Variants in GRM7 observed in about 807,000 individuals in gnomAD.
GRM7 encodes the protein glutamate metabotropic receptor 7, also known as metabotropic glutamate receptor 7.
A neutral mutation model predicts 84.5 loss-of-function variants in GRM7; 35 were observed. The observed-to-expected ratio is 0.41, with a 90% CI of 0.32 to 0.55. The LOEUF is 0.55. GRM7 is among the 20% of genes least tolerant of loss of function. GRM7 has a pLI of 0.19. For synonymous variants in GRM7, 487 were observed against 455.1 expected (o/e 1.07, Z -0.89); for missense variants, 1,003 against 1,194.6 (o/e 0.84, Z 2.36).
intron 2 of GRM7, among the ~76,000 whole-genome samples, chr3:7,290,539 C>T (rs192913686): frequency 6.6e-6 from 1 of 152,178 alleles, no homozygotes. Flanking sequence ...ATTCACACCT[C>T]ATTAGCATGT....
chr3:7,469,130 A>T (rs146467746), intron 7 of GRM7, among the ~76,000 whole-genome samples: 1 of 152,320 alleles, frequency 6.6e-6, no homozygotes, highest in Non-Finnish European at 1.5e-5. Context: ...AACTATACAC[A>T]TTACTTAAGG....
At chr3:7,072,855 G>A (rs1311675252) in intron 1 of GRM7, among the ~76,000 whole-genome samples, 1 of 152,094 alleles carries the variant, frequency 6.6e-6, no homozygotes, top group Non-Finnish European at 1.5e-5. Flanking sequence ...ACATTTCTTT[G>A]TTTGAGGGGC....
chr3:7,479,167 C>T (rs1699037127), intron 7 of GRM7, among the ~76,000 whole-genome samples: 1 of 151,824 alleles, frequency 6.6e-6, no homozygotes, highest in African/African-American at 2.4e-5. Context: ...GCGAGTCAGG[C>T]AAGAAAGGGA....
At chr3:6,988,342 T>A (rs947406822) in intron 1 of GRM7, among the ~76,000 whole-genome samples, 3 of 151,980 alleles carry the variant, frequency 2.0e-5, no homozygotes, top group Middle Eastern at 3.4e-3. Flanking sequence ...CATGGACCAC[T>A]CTTTTGGGAC....
At position 7,270,871 on chromosome 3, in the gene GRM7, T is replaced by C. The variant is rs533555704; in HGVS notation, c.737-27813T>C. ...AAAGGCATACCAGAATCGGGCTGAA[T>C]ACAATGTGTCTTCTGGTAGCTATTT... On this transcript the variant is annotated intron_variant, in intron 2 of 9. Transcript: ENST00000357716. Among the ~76,000 whole-genome samples the C allele has an allele frequency of 6.6e-5, 10 of 152,314 alleles. No individual in the cohort carries two copies. The South Asian group carries it at 2.1e-3, about 32-fold the overall frequency.
intron 2 of GRM7, among the ~76,000 whole-genome samples, chr3:7,197,699 GT>G (rs5846495): frequency 0.37 from 53,753 of 147,188 alleles, 10,456 homozygotes; most frequent in African/African-American, 0.53. Context: ...TTTACGACAA[GT>G]TTTTTTTTTT....
intron 1 of GRM7, among the ~76,000 whole-genome samples, chr3:7,140,751 A>C (rs1693920381): frequency 6.6e-6 from 1 of 152,080 alleles, no homozygotes; most frequent in African/African-American, 2.4e-5. Context: ...AGTAAAAATA[A>C]GAGCATCCTA....
At chr3:6,982,126 C>A (rs1694231193) in intron 1 of GRM7, among the ~76,000 whole-genome samples, 1 of 152,244 alleles carries the variant, frequency 6.6e-6, no homozygotes, top group African/African-American at 2.4e-5. Flanking sequence ...TAAAAAAGAA[C>A]AAAATCATGT....
At chr3:7,443,973 A>G (rs540263790) in intron 5 of GRM7, among the ~76,000 whole-genome samples, 35 of 152,206 alleles carry the variant, frequency 2.3e-4, no homozygotes, top group Non-Finnish European at 5.0e-4. Context: ...GCTAATGTCA[A>G]GAACAAAACA....
intron 2 of GRM7, among the ~76,000 whole-genome samples, chr3:7,223,868 T>C (rs1012306253): frequency 6.6e-6 from 1 of 152,186 alleles, no homozygotes; most frequent in Non-Finnish European, 1.5e-5. Flanking sequence ...CTCTTTATGG[T>C]TTCTTAGCGT....
chr3:6,937,066 G>A (rs1419230996), intron 1 of GRM7, among the ~76,000 whole-genome samples: 1 of 152,162 alleles, frequency 6.6e-6, no homozygotes, highest in African/African-American at 2.4e-5. Flanking sequence ...TCAGATAGAA[G>A]TATAAGAAGA....
intron 1 of GRM7, among the ~76,000 whole-genome samples, chr3:6,980,908 T>C (rs1325124368): frequency 6.6e-6 from 1 of 152,196 alleles, no homozygotes; most frequent in Non-Finnish European, 1.5e-5. Context: ...ACCCATCCAA[T>C]GTAAACTGGT....
intron 1 of GRM7, among the ~76,000 whole-genome samples, chr3:6,937,695 G>A (rs1309195961): frequency 1.3e-5 from 2 of 152,166 alleles, no homozygotes; most frequent in African/African-American, 4.8e-5. Flanking sequence ...GAATGAGCTT[G>A]TAGAAACACC....
In GRM7 at chr3:7,486,098, A is replaced by T. The variant is rs1393716153; in HGVS notation, c.1515+24376A>T. 6.6e-6 allele frequency among the ~76,000 whole-genome samples: 1 copy of T among 152,214 alleles called. No homozygotes were observed. Among genetic ancestry groups the T allele is most frequent in the Non-Finnish European group, 1.5e-5 (1 of 68,032 alleles). On this transcript the variant is annotated intron_variant, in intron 7 of 9. Coordinates refer to ENST00000357716, the MANE Select transcript of GRM7 (RefSeq NM_000844.4). The surrounding 1 kb of genome is among the most constrained non-coding windows in gnomAD (Gnocchi z 5.5). ...GTTCTTCAAAGAGTCAAAGGATGAG[A>T]TAAAATATGGATTTTAAATACTGCT...
At chr3:6,891,729 A>C (rs1271282849) in intron 1 of GRM7, among the ~76,000 whole-genome samples, 1 of 152,024 alleles carries the variant, frequency 6.6e-6, no homozygotes, top group Non-Finnish European at 1.5e-5. Context: ...GCTCTTCTCG[A>C]GGAGTATCTT....
At chr3:6,940,841 C>T (rs985883800) in intron 1 of GRM7, among the ~76,000 whole-genome samples, 1 of 152,196 alleles carries the variant, frequency 6.6e-6, no homozygotes, top group Non-Finnish European at 1.5e-5. Flanking sequence ...TTCTTCCTCA[C>T]CTACTCTACC....
At chr3:7,168,648 G>A (rs985265607) in intron 2 of GRM7, among the ~76,000 whole-genome samples, 1 of 152,036 alleles carries the variant, frequency 6.6e-6, no homozygotes, top group African/African-American at 2.4e-5. Flanking sequence ...AAGCAAAGAC[G>A]ACCCCATTCA....
rs562885489 is a variant in GRM7, at chr3:7,020,094, G to A, written c.520-126358G>A. 4.6e-5 allele frequency among the ~76,000 whole-genome samples: 7 copies of A among 152,222 alleles called. No homozygotes were observed. The South Asian group carries it at 1.0e-3, about 23-fold the overall frequency. The stretch of plus-strand genomic sequence containing the variant: ...GATCTCTTGACCTCGTGATTTGCCC[G>A]CCTCAGCATCCCAAAGTGCTGGGAT... On this transcript the variant is annotated intron_variant, in intron 1 of 9. Coordinates refer to ENST00000357716, the MANE Select transcript of GRM7 (RefSeq NM_000844.4).
At chr3:6,899,428 G>T (rs937914274) in intron 1 of GRM7, among the ~76,000 whole-genome samples, 6 of 152,228 alleles carry the variant, frequency 3.9e-5, no homozygotes, top group Admixed American at 6.5e-5. Context: ...AGCATAAATA[G>T]GTTGAGGATT....
Sources: allele counts gnomAD v4.1 joint callset (sites outside exome capture counted in the v4.1 genomes callset), GRCh38; gene constraint gnomAD v4.1.1; non-coding constraint Gnocchi (gnomAD v3.1); transcripts MANE v1.5; gene names NCBI Gene and HGNC (gene_info 2026-07-23, HGNC 2026-07-21).